Variants in ARHGAP25 observed in about 807,000 individuals in gnomAD.
ARHGAP25 encodes rho GTPase-activating protein 25.
In ARHGAP25, 34 loss-of-function variants were observed where a neutral mutation model predicts 71.0. That is an observed-to-expected ratio of 0.48 (90% CI 0.36 to 0.64). The LOEUF is 0.64. ARHGAP25 is among the 30% of genes least tolerant of loss of function. ARHGAP25 has a pLI of 0.00. For missense variants in ARHGAP25, 706 were observed against 805.1 expected, an observed-to-expected ratio of 0.88 and a Z score of 1.49; for synonymous variants, 282 against 296.5, an observed-to-expected ratio of 0.95 and a Z score of 0.50.
At chr2:68,759,662 A>G (rs1183490795) in intron 1 of ARHGAP25, among the ~76,000 whole-genome samples, 2 of 151,996 alleles carry the variant, frequency 1.3e-5, no homozygotes, top group African/African-American at 4.8e-5. Flanking sequence ...CAAACGTCTA[A>G]AGAAGAACTA....
At chr2:68,808,411 CCTCA>C (rs1680534347) in intron 5 of ARHGAP25, among the ~76,000 whole-genome samples, 1 of 152,276 alleles carries the variant, frequency 6.6e-6, no homozygotes, top group Middle Eastern at 3.4e-3. Context: ...CTCCCTCACC[CCTCA>C]CTCTAATCAC....
chr2:68,816,494 C>T, intron 7 of ARHGAP25, 132 bp downstream of exon 7: 1 of 720,754 alleles, frequency 1.4e-6, no homozygotes, highest in Non-Finnish European at 2.3e-6. Context: ...GCTGTATTCA[C>T]ATAGCACTGA....
chr2:68,821,906 G>GTTTTTTTTTTTTTTTT (rs59964574), intron 9 of ARHGAP25, among the ~76,000 whole-genome samples: 1 of 81,644 alleles, frequency 1.2e-5, no homozygotes, highest in Non-Finnish European at 2.3e-5. Flanking sequence ...CTTTTTGCTA[G>GTTTTTTTTTTTTTTTT]TTTTTTTTTT....
intron 4 of ARHGAP25, among the ~76,000 whole-genome samples, chr2:68,802,598 T>C (rs1174487463): frequency 1.3e-5 from 2 of 151,734 alleles, no homozygotes; most frequent in African/African-American, 4.8e-5. Flanking sequence ...CTATTGCCTT[T>C]GAGGAAGGCT....
intron 4 of ARHGAP25, among the ~76,000 whole-genome samples, chr2:68,790,074 C>T (rs116571378): frequency 0.031 from 4,687 of 152,266 alleles, 105 homozygotes; most frequent in Admixed American, 0.061. Flanking sequence ...CTGCAACCTC[C>T]GCTTCCAGGG....
chr2:68,818,124 C>A (rs13418133), intron 8 of ARHGAP25, 130 bp downstream of exon 8: 383,202 of 1,242,360 alleles, frequency 0.31, 61,497 homozygotes, highest in East Asian at 0.48. Flanking sequence ...CTGAATCATG[C>A]AATAGCCTTG....
chr2:68,781,719 C>T (rs115991225), intron 2 of ARHGAP25, among the ~76,000 whole-genome samples: 2,940 of 152,286 alleles, frequency 0.019, 52 homozygotes, highest in Middle Eastern at 0.089. Flanking sequence ...CATAATGATA[C>T]TTTCCTTAGA....
intron 10 of ARHGAP25, among the ~76,000 whole-genome samples, chr2:68,823,508 G>T (rs72903634): frequency 0.01 from 1,566 of 152,294 alleles, 28 homozygotes; most frequent in African/African-American, 0.035. Context: ...AGCAAGTCAG[G>T]TGTGTAGATG....
At chr2:68,810,968 C>T (rs1680768262) in intron 5 of ARHGAP25, among the ~76,000 whole-genome samples, 1 of 152,164 alleles carries the variant, frequency 6.6e-6, no homozygotes, top group South Asian at 2.1e-4. Context: ...TCTCGAACTC[C>T]TGACCTCAAG....
At chr2:68,783,812 G>A (rs1678524855) in intron 3 of ARHGAP25, among the ~76,000 whole-genome samples, 1 of 152,030 alleles carries the variant, frequency 6.6e-6, no homozygotes, top group Non-Finnish European at 1.5e-5. Context: ...TCTCTTCAGA[G>A]GAAAAGCAGG....
intron 3 of ARHGAP25, 108 bp downstream of exon 3, chr2:68,782,428 A>G (rs1044047813): frequency 1.2e-5 from 11 of 949,908 alleles, no homozygotes; most frequent in Non-Finnish European, 1.8e-5. Context: ...CAACTAACTA[A>G]CCAACCAGCC....
At chr2:68,751,855 T>C (rs1437042290) in intron 1 of ARHGAP25, among the ~76,000 whole-genome samples, 1 of 152,208 alleles carries the variant, frequency 6.6e-6, no homozygotes, top group Non-Finnish European at 1.5e-5. Context: ...TGAAGGCTGG[T>C]CCTGGCCAGC....
At chr2:68,785,046 C>T (rs894700826) in intron 3 of ARHGAP25, among the ~76,000 whole-genome samples, 1 of 152,124 alleles carries the variant, frequency 6.6e-6, no homozygotes, top group African/African-American at 2.4e-5. Flanking sequence ...AGTACAAAGT[C>T]TCTGAGCCTA....
Position 68,821,092 on chromosome 2 carries a change from C to CTTTTTTTTTTTTTTTT in ARHGAP25, c.1201-1241_1201-1226dup, listed in dbSNP as rs34119311. 2.8e-4 allele frequency among the ~76,000 whole-genome samples: 28 copies of CTTTTTTTTTTTTTTTT among 99,446 alleles called. 1 individual carries two copies. The highest frequency in any genetic ancestry group is 8.2e-4 in the African/African-American group (20 of 24,404). The allele number at this position is 99,446 out of a possible 152,430, so 65.2% of individuals were successfully genotyped here. A position where few individuals can be genotyped will look rare whatever the true frequency, so the allele number is the denominator to read the frequency against. Reference sequence around the variant, plus strand: ...GCCTTCAGTTCTTTTCTTTTTCTTTCTTTTTTTTTTTTTTTTTTTTTTGTG... The same window carrying CTTTTTTTTTTTTTTTT: ...GCCTTCAGTTCTTTTCTTTTTCTTTCTTTTTTTTTTTTTTTTTTTTTTTTTTTTTTTTTTTTTTGTG... On this transcript the variant is annotated intron_variant, in intron 9 of 10. Coordinates refer to ENST00000409202, the MANE Select transcript of ARHGAP25 (RefSeq NM_001007231.3).
At chr2:68,774,918 C>G (rs1163279504) in intron 1 of ARHGAP25, 2 of 1,394,888 alleles carry the variant, frequency 1.4e-6, no homozygotes, top group East Asian at 2.7e-5. Context: ...TCAGAAGGCT[C>G]CAGCCAACCT....
intron 2 of ARHGAP25, among the ~76,000 whole-genome samples, chr2:68,725,633 T>G (rs892262349): frequency 2.0e-5 from 3 of 152,200 alleles, no homozygotes; most frequent in Admixed American, 2.0e-4. Flanking sequence ...AGCCTGATTA[T>G]TTAAAAGTAT....
At chr2:68,763,191 T>G (rs750090102) in intron 1 of ARHGAP25, among the ~76,000 whole-genome samples, 8 of 152,246 alleles carry the variant, frequency 5.3e-5, no homozygotes, top group Non-Finnish European at 1.2e-4. Flanking sequence ...GCTTTCTTTA[T>G]CAAACTCTAA....
upstream of ARHGAP25, among the ~76,000 whole-genome samples, chr2:68,733,730 T>C (rs1675088137): frequency 6.6e-6 from 1 of 152,152 alleles, no homozygotes; most frequent in South Asian, 2.1e-4. Flanking sequence ...ACCCAGGTCG[T>C]CAGTAAGAGT....
intron 1 of ARHGAP25, among the ~76,000 whole-genome samples, chr2:68,745,078 G>A (rs970992857): frequency 5.3e-5 from 8 of 152,180 alleles, no homozygotes; most frequent in Non-Finnish European, 1.0e-4. Flanking sequence ...GCCCCTAAAG[G>A]CAGATGAGCC....
Sources: gnomAD v4.1 joint callset for allele counts (sites outside exome capture counted in the v4.1 genomes callset) on GRCh38, gnomAD v4.1.1 for gene constraint, MANE v1.5 for transcripts, NCBI Gene and HGNC (gene_info 2026-07-23, HGNC 2026-07-21) for gene names.